The following PCCA variants were observed in gnomAD, a reference collection of about 807,000 sequenced individuals.
PCCA encodes propionyl-CoA carboxylase alpha chain, mitochondrial.
Under a neutral mutation model 101.3 loss-of-function variants are expected in PCCA, and 74 were observed. The observed-to-expected ratio is 0.73, with a 90% CI of 0.61 to 0.89. The LOEUF is 0.89. PCCA is among the 40% of genes least tolerant of loss of function. The probability of loss-of-function intolerance (pLI) is 0.00; values close to 1 mark genes in which losing one functional copy is unlikely to be tolerated. For missense variants in PCCA, 891 were observed against 907.0 expected (o/e 0.98, Z 0.23); for synonymous variants, 294 against 313.6 (o/e 0.94, Z 0.66).
At chr13:100,506,711 C>G (rs958475875) in intron 21 of PCCA, among the ~76,000 whole-genome samples, 10 of 152,036 alleles carry the variant, frequency 6.6e-5, no homozygotes, top group Non-Finnish European at 1.0e-4. Context: ...TCTTTTTTCC[C>G]CAAAGGTCAT....
In PCCA at chr13:100,493,984, C is replaced by T. The variant is rs145073548; in HGVS notation, c.1900-21443C>T. ...GGTGGGCAGATTACGAGGTCAGGAG[C>T]TGGTGACCATCCTGGCCAACATGGT... On this transcript the variant is annotated intron_variant, in intron 21 of 23. Transcript: ENST00000376285. Among the ~76,000 whole-genome samples the T allele has an allele frequency of 2.7e-3, 410 of 151,836 alleles. 3 individuals are homozygous for T. Among genetic ancestry groups the T allele is most frequent in the Non-Finnish European group, 3.9e-3 (266 of 67,924 alleles).
chr13:100,124,369 C>T (rs911081935), intron 4 of PCCA, among the ~76,000 whole-genome samples: 1 of 152,128 alleles, frequency 6.6e-6, no homozygotes, highest in Non-Finnish European at 1.5e-5. Context: ...GATTTTACCA[C>T]GTTGAAACAA....
At chr13:100,097,697 G>A (rs1421181597) in intron 1 of PCCA, among the ~76,000 whole-genome samples, 2 of 152,086 alleles carry the variant, frequency 1.3e-5, no homozygotes, top group African/African-American at 4.8e-5. Context: ...CCAGCCTGGC[G>A]ACAGAGTGAG....
rs563751737 is a variant in PCCA, at chr13:100,426,290, A to G, written c.1845+559A>G. 6.7e-4 allele frequency among the ~76,000 whole-genome samples: 102 copies of G among 152,270 alleles called. 1 individual carries two copies. In the South Asian group the frequency reaches 0.011, roughly 17 times the overall value. On this transcript the variant is annotated intron_variant, in intron 20 of 23. Transcript: ENST00000376285. ...TAACCTGTGACTTCCATTTTAAAGT[A>G]GAAAGTTATGAAAAGAGATTCTGCC...
chr13:100,471,582 G>C (rs2083018083), intron 21 of PCCA, among the ~76,000 whole-genome samples: 1 of 152,180 alleles, frequency 6.6e-6, no homozygotes, highest in African/African-American at 2.4e-5. Flanking sequence ...TAGTATCTAA[G>C]TTTCTTCTCA....
At chr13:100,311,770 C>CA (rs1566914928) in intron 16 of PCCA, among the ~76,000 whole-genome samples, 1 of 151,346 alleles carries the variant, frequency 6.6e-6, no homozygotes, top group Non-Finnish European at 1.5e-5. Context: ...ACTCTGTCTC[C>CA]AAAAAAATAA....
intron 19 of PCCA, among the ~76,000 whole-genome samples, 167 bp downstream of exon 19, chr13:100,368,741 T>G (rs929513507): frequency 2.0e-5 from 3 of 152,206 alleles, no homozygotes; most frequent in African/African-American, 7.2e-5. Flanking sequence ...TGTTCTCTTA[T>G]GCTTATTAGG....
At chr13:100,468,187 C>T (rs9513757) in intron 21 of PCCA, among the ~76,000 whole-genome samples, 15,557 of 152,218 alleles carry the variant, frequency 0.1, 901 homozygotes, top group Middle Eastern at 0.23. Flanking sequence ...GTAAACCATG[C>T]CCTAAACAGA....
chr13:100,164,660 C>T (rs2152402060), intron 6 of PCCA, among the ~76,000 whole-genome samples: 1 of 152,242 alleles, frequency 6.6e-6, no homozygotes, highest in Admixed American at 6.5e-5. Flanking sequence ...AAAATGTTGT[C>T]TTTTAAAATT....
chr13:100,262,733 G>T lies in PCCA; in HGVS notation c.721G>T (p.Gly241Cys). ...TCTTCCTTCTTTTTTTCACAGGGATGGTTTTAGATTGTCATCTCAAGAAGC... is the reference window on the plus strand; with the variant it reads ...TCTTCCTTCTTTTTTTCACAGGGATTGTTTTAGATTGTCATCTCAAGAAGC... The part of the protein sequence containing the change: ...IAWDDEETRD[G>C]FRLSSQEAAS... The change falls in exon 10 of 24, where the codon GGT (glycine) becomes TGT (cysteine). Residue 241 changes from glycine (G) to cysteine (C), a missense_variant. Gly to Cys is a radical substitution (Grantham distance 159). Transcript: ENST00000376285. 1 of 1,491,210 alleles carries T rather than the reference G, an allele frequency of 6.7e-7. No individual in the cohort carries two copies. 92.4% of individuals were successfully genotyped at this position (1,491,210 alleles called of 1,614,324 possible).
At chr13:100,457,457 G>T (rs1278598571) in intron 21 of PCCA, among the ~76,000 whole-genome samples, 2 of 152,150 alleles carry the variant, frequency 1.3e-5, no homozygotes, top group Non-Finnish European at 2.9e-5. Flanking sequence ...CAGAGATGAA[G>T]GACAGTTTAT....
chr13:100,216,363 T>TA (rs914472414), intron 7 of PCCA, among the ~76,000 whole-genome samples: 1 of 152,110 alleles, frequency 6.6e-6, no homozygotes, highest in Admixed American at 6.5e-5. Context: ...AGAGATAAGG[T>TA]AAAAAAAGAT....
chr13:100,387,012 T>A (rs1407721455), intron 19 of PCCA, among the ~76,000 whole-genome samples: 2 of 152,154 alleles, frequency 1.3e-5, no homozygotes, highest in African/African-American at 4.8e-5. Context: ...TAATTACCTT[T>A]CAAGAAACTT....
chr13:100,493,172 G>T (rs1251554271), intron 21 of PCCA, among the ~76,000 whole-genome samples: 1 of 152,202 alleles, frequency 6.6e-6, no homozygotes, highest in Non-Finnish European at 1.5e-5. Context: ...TCCTACACCT[G>T]CCCCTGCCCA....
chr13:100,150,660 G>T, intron 4 of PCCA: 1 of 1,396,288 alleles, frequency 7.2e-7, no homozygotes, highest in Non-Finnish European at 1.0e-6. Context: ...TAGGTGTCAG[G>T]ATTTCTTCTG....
At chr13:100,183,435 T>C (rs1021667758) in intron 6 of PCCA, among the ~76,000 whole-genome samples, 9 of 152,128 alleles carry the variant, frequency 5.9e-5, no homozygotes, top group Admixed American at 5.2e-4. Flanking sequence ...AAGAAGTTTA[T>C]AGGGGGACTA....
intron 18 of PCCA, among the ~76,000 whole-genome samples, chr13:100,348,643 C>G (rs1380613203): frequency 4.6e-5 from 7 of 152,076 alleles, no homozygotes; most frequent in African/African-American, 1.7e-4. Context: ...TTTTAGTAAT[C>G]TTTATTTTTG....
In PCCA at chr13:100,252,579, G is replaced by A. The variant is rs115856358; in HGVS notation, c.638-5016G>A. On this transcript the variant is annotated intron_variant, in intron 8 of 23. Coordinates refer to ENST00000376285, the MANE Select transcript of PCCA (RefSeq NM_000282.4). ...ATCAGCTTTTAAGTTACCAGGTTGT[G>A]CTACCATGTGTGGCTTGGGTTTTGC... Among the ~76,000 whole-genome samples, 821 of 152,214 alleles carry A rather than the reference G, an allele frequency of 5.4e-3. 10 individuals carry two copies. Among genetic ancestry groups the A allele is most frequent in the African/African-American group, 0.018 (765 of 41,536 alleles).
intron 12 of PCCA, among the ~76,000 whole-genome samples, chr13:100,277,647 C>G (rs1269881410): frequency 6.6e-6 from 1 of 152,192 alleles, no homozygotes; most frequent in Non-Finnish European, 1.5e-5. Context: ...TGCTATCTCA[C>G]TTTTCCTTTC....
Sources: allele counts gnomAD v4.1 joint callset (sites outside exome capture counted in the v4.1 genomes callset), GRCh38; gene constraint gnomAD v4.1.1; transcripts MANE v1.5; gene names NCBI Gene and HGNC (gene_info 2026-07-23, HGNC 2026-07-21).